ARMH1: variants seen among roughly 807,000 people sequenced by gnomAD.
The protein encoded by ARMH1 is armadillo like helical domain containing 1, also known as armadillo-like helical domain containing protein 1.
ARMH1 carries 34 observed loss-of-function variants against 50.2 expected under a neutral mutation model. The observed-to-expected ratio is 0.68, with a 90% CI of 0.51 to 0.90. The LOEUF (loss-of-function observed/expected upper bound fraction) is 0.90, where lower values mean the gene tolerates loss of function less well. ARMH1 is among the 40% of genes least tolerant of loss of function. The pLI, the probability that ARMH1 is intolerant of heterozygous loss-of-function variation, is 0.00. For synonymous variants in ARMH1, 221 were observed against 224.2 expected, an observed-to-expected ratio of 0.99 and a Z score of 0.13; for missense variants, 538 against 553.9, an observed-to-expected ratio of 0.97 and a Z score of 0.29.
In ARMH1 at chr1:44,690,282, G is replaced by A. The variant is rs181946629; in HGVS notation, c.206+379G>A. Reference sequence around the variant, plus strand: ...ATGAAAAGGAGAGGAGATTGTCAAAGGGGTTTTCTCTTGATTCTGATATTT... The same window carrying A: ...ATGAAAAGGAGAGGAGATTGTCAAAAGGGTTTTCTCTTGATTCTGATATTT... On this transcript the variant is annotated intron_variant, in intron 2 of 11. Transcript: ENST00000535358. Among the ~76,000 whole-genome samples the A allele has an allele frequency of 1.3e-4, 20 of 152,140 alleles. No homozygotes were observed. In the East Asian group the frequency reaches 3.5e-3, roughly 26 times the overall value.
At chr1:44,691,353 C>T (rs932375208) in intron 2 of ARMH1, among the ~76,000 whole-genome samples, 1 of 152,098 alleles carries the variant, frequency 6.6e-6, no homozygotes, top group African/African-American at 2.4e-5. Context: ...CATCTGACTT[C>T]GGTGCCTCCC....
At chr1:44,703,985 TA>T in intron 5 of ARMH1, 103 bp from the exon 6 acceptor site, 1 of 856,718 alleles carries the variant, frequency 1.2e-6, no homozygotes, top group Non-Finnish European at 1.9e-6. Flanking sequence ...CTCGGCCTCC[TA>T]AAGTGCTGGG....
intron 5 of ARMH1, among the ~76,000 whole-genome samples, chr1:44,703,560 T>TAA (rs1186744272): frequency 1.9e-3 from 200 of 107,020 alleles, no homozygotes; most frequent in African/African-American, 6.1e-3. Flanking sequence ...CCGTCTCTAC[T>TAA]AAAAAAAAAA....
At chr1:44,722,361 C>T (rs940292161) in intron 6 of ARMH1, among the ~76,000 whole-genome samples, 2 of 151,954 alleles carry the variant, frequency 1.3e-5, no homozygotes, top group Non-Finnish European at 2.9e-5. Flanking sequence ...CAAGACCAGC[C>T]TGGACGACAG....
At chr1:44,677,524 G>T (rs1433525417) in intron 1 of ARMH1, among the ~76,000 whole-genome samples, 1 of 152,224 alleles carries the variant, frequency 6.6e-6, no homozygotes, top group East Asian at 1.9e-4. Flanking sequence ...TGAAGTCAGA[G>T]AATCCACATC....
rs561782989 is a variant in ARMH1, at chr1:44,719,495, T to G, written c.725-4627T>G. ...TCAGCTCCCCATCCCTCCGCCGGTG[T>G]TTTCAGCACCCAGGAGAGCTGAGCA... is the stretch of plus-strand genomic sequence containing the variant. On this transcript the variant is annotated intron_variant, in intron 6 of 11. Coordinates refer to ENST00000535358, the MANE Select transcript of ARMH1 (RefSeq NM_001145636.2). Among the ~76,000 whole-genome samples, 170 of 152,284 alleles carry G rather than the reference T, an allele frequency of 1.1e-3. 4 individuals are homozygous for G. Among genetic ancestry groups the G allele is most frequent in the African/African-American group, 4.0e-3 (165 of 41,570 alleles).
At chr1:44,688,964 T>C (rs1453161870) in intron 1 of ARMH1, 3 of 152,208 alleles carry the variant, frequency 2.0e-5, no homozygotes, top group Non-Finnish European at 4.4e-5. Flanking sequence ...GTGATTGGCA[T>C]AAGAGGGAGG....
At chr1:44,691,506 C>G (rs148990762) in intron 2 of ARMH1, among the ~76,000 whole-genome samples, 2 of 152,238 alleles carry the variant, frequency 1.3e-5, no homozygotes, top group African/African-American at 4.8e-5. Flanking sequence ...CTCCTGGTTT[C>G]TCTGATACCG....
At chr1:44,713,314 G>T (rs1341818973) in intron 6 of ARMH1, among the ~76,000 whole-genome samples, 4 of 151,890 alleles carry the variant, frequency 2.6e-5, no homozygotes, top group Non-Finnish European at 2.9e-5. Flanking sequence ...GGCCAGGCTG[G>T]TCTCCAACTC....
At chr1:44,713,682 C>T (rs1646718378) in intron 6 of ARMH1, among the ~76,000 whole-genome samples, 1 of 152,118 alleles carries the variant, frequency 6.6e-6, no homozygotes, top group Admixed American at 6.6e-5. Context: ...TCTAACTTCC[C>T]CATTTGCCTG....
At chr1:44,696,030 AG>A (rs1557529458) in intron 2 of ARMH1, among the ~76,000 whole-genome samples, 1 of 151,906 alleles carries the variant, frequency 6.6e-6, no homozygotes, top group Non-Finnish European at 1.5e-5. Flanking sequence ...CTGAAGAAAA[AG>A]GGGAGAATGC....
rs893121531 is a variant in ARMH1, at chr1:44,682,893, T to C, written c.-22-6783T>C. Among the ~76,000 whole-genome samples, 3 of 152,150 alleles carry C rather than the reference T, an allele frequency of 2.0e-5. No individual in the cohort carries two copies. Among genetic ancestry groups the C allele is most frequent in the African/African-American group, 4.8e-5 (2 of 41,432 alleles). ...CGATTGAGGCTGCGGTAAGTTATGATTGTGCCACTGCACTCCAGCCTGGGT... is the reference window on the plus strand; with the variant it reads ...CGATTGAGGCTGCGGTAAGTTATGACTGTGCCACTGCACTCCAGCCTGGGT... On this transcript the variant is annotated intron_variant, in intron 1 of 11. Coordinates refer to ENST00000535358, the MANE Select transcript of ARMH1 (RefSeq NM_001145636.2). This position sits in a 1 kb window ranked among gnomAD's most constrained non-coding sequence, Gnocchi z 4.5.
At chr1:44,721,672 T>C (rs968084287) in intron 6 of ARMH1, 10 of 152,060 alleles carry the variant, frequency 6.6e-5, no homozygotes, top group East Asian at 1.9e-4. Flanking sequence ...GAGGTTGTAG[T>C]GAGCCGCGAC....
chr1:44,722,549 C>T (rs952838711), intron 6 of ARMH1, among the ~76,000 whole-genome samples: 1 of 151,204 alleles, frequency 6.6e-6, no homozygotes, highest in African/African-American at 2.4e-5. Flanking sequence ...AGTTCAAGAC[C>T]AGCCTTGCCA....
At chr1:44,722,391 A>C (rs1019913690) in intron 6 of ARMH1, among the ~76,000 whole-genome samples, 3 of 152,020 alleles carry the variant, frequency 2.0e-5, no homozygotes, top group African/African-American at 4.8e-5. Flanking sequence ...TTGTCTCAGA[A>C]AAAAAATAAA....
At chr1:44,717,545 C>G (rs1269467393) in intron 6 of ARMH1, among the ~76,000 whole-genome samples, 1 of 152,212 alleles carries the variant, frequency 6.6e-6, no homozygotes, top group Non-Finnish European at 1.5e-5. Flanking sequence ...CCTTTGTGTT[C>G]CCATGGCCCT....
At chr1:44,690,845 AT>A (rs1395089128) in intron 2 of ARMH1, among the ~76,000 whole-genome samples, 3 of 152,036 alleles carry the variant, frequency 2.0e-5, no homozygotes. Flanking sequence ...CACCTGGCTA[AT>A]TTTTGTATTT....
At chr1:44,697,078 C>T in intron 2 of ARMH1, 24 bp from the exon 3 acceptor site, 2 of 1,542,706 alleles carry the variant, frequency 1.3e-6, no homozygotes, top group Non-Finnish European at 1.8e-6. Context: ...CACCCTGAAA[C>T]TCACTCTTTA....
At chr1:44,699,609 C>CA (rs1645967313) in intron 4 of ARMH1, among the ~76,000 whole-genome samples, 1 of 151,910 alleles carries the variant, frequency 6.6e-6, no homozygotes, top group Non-Finnish European at 1.5e-5. Context: ...GCCACCATGC[C>CA]TGGCTAATTT....
Sources: gnomAD v4.1 joint callset for allele counts (sites outside exome capture counted in the v4.1 genomes callset) on GRCh38, gnomAD v4.1.1 for gene constraint, Gnocchi (gnomAD v3.1) non-coding constraint, MANE v1.5 for transcripts, NCBI Gene and HGNC (gene_info 2026-07-23, HGNC 2026-07-21) for gene names.